Variants in KDM4C observed in about 807,000 individuals in gnomAD.
KDM4C encodes lysine demethylase 4C.
Under a neutral mutation model 129.3 loss-of-function variants are expected in KDM4C, and 81 were observed. That is an observed-to-expected ratio of 0.63 (90% CI 0.52 to 0.75). The LOEUF (loss-of-function observed/expected upper bound fraction) is 0.75. Among genes scored for constraint, KDM4C ranks in the 30% least tolerant of loss-of-function variants. The pLI, the probability that KDM4C is intolerant of heterozygous loss-of-function variation, is 0.00. For missense variants in KDM4C, 1,457 were observed against 1,304.0 expected (o/e 1.12, Z -1.81); for synonymous variants, 573 against 456.1 (o/e 1.26, Z -3.26).
chr9:6,919,688 G>T (rs1379422450), intron 8 of KDM4C, among the ~76,000 whole-genome samples: 1 of 151,664 alleles, frequency 6.6e-6, no homozygotes, highest in Non-Finnish European at 1.5e-5. Context: ...TGATTCTCTT[G>T]CTTCAGCCTC....
At chr9:7,087,602 C>A (rs1835282001) in intron 17 of KDM4C, among the ~76,000 whole-genome samples, 1 of 151,968 alleles carries the variant, frequency 6.6e-6, no homozygotes, top group South Asian at 2.1e-4. Context: ...ACAGTGATAA[C>A]TAAAAGAGTT....
At chr9:6,777,839 A>G (rs750582480) in intron 1 of KDM4C, among the ~76,000 whole-genome samples, 17 of 150,728 alleles carry the variant, frequency 1.1e-4, no homozygotes, top group Non-Finnish European at 1.9e-4. Flanking sequence ...AAAAACTTGA[A>G]ATTCTTCAGT....
chr9:6,857,466 C>G (rs1389079103), intron 5 of KDM4C, among the ~76,000 whole-genome samples: 2 of 152,174 alleles, frequency 1.3e-5, no homozygotes, highest in Non-Finnish European at 2.9e-5. Flanking sequence ...ACATACCACT[C>G]TAGCACACAC....
At chr9:6,864,772 G>C (rs1841616326) in intron 5 of KDM4C, among the ~76,000 whole-genome samples, 1 of 150,920 alleles carries the variant, frequency 6.6e-6, no homozygotes, top group African/African-American at 2.4e-5. Flanking sequence ...TCTTAGATTT[G>C]GTCTTTAGTG....
chr9:6,741,488 T>G (rs887521267), intron 1 of KDM4C, among the ~76,000 whole-genome samples: 31 of 152,322 alleles, frequency 2.0e-4, no homozygotes, highest in African/African-American at 7.2e-4. Context: ...GCCTTTTTAT[T>G]GTTCTTCATT....
At chr9:7,041,938 C>A (rs1349303659) in intron 15 of KDM4C, among the ~76,000 whole-genome samples, 1 of 152,014 alleles carries the variant, frequency 6.6e-6, no homozygotes, top group Non-Finnish European at 1.5e-5. Flanking sequence ...GTTTTCTTTT[C>A]TCTCCACTTC....
chr9:6,748,762 G>A lies in KDM4C; in HGVS notation c.49+27765G>A, dbSNP rs773841432. 50 of 1,468,586 alleles carry A rather than the reference G, an allele frequency of 3.4e-5. No homozygotes were observed. In the Admixed American group the frequency reaches 8.0e-4, roughly 24 times the overall value. The allele number at this position is 1,468,586 out of a possible 1,614,324, so 91.0% of individuals were successfully genotyped here. A position where few individuals can be genotyped will look rare whatever the true frequency, so the allele number is the denominator to read the frequency against. On this transcript the variant is annotated intron_variant, in intron 1 of 17. Transcript: ENST00000536108. ...TCTCCTTTTAGCATGATCCGACCCA[G>A]TTGTTTTCTTGACTTTGTTTTCGAA...
chr9:6,908,904 G>C (rs543205054), intron 8 of KDM4C, among the ~76,000 whole-genome samples: 1 of 152,298 alleles, frequency 6.6e-6, no homozygotes, highest in South Asian at 2.1e-4. Flanking sequence ...TCCTGGAGTA[G>C]TGACTGACAC....
intron 8 of KDM4C, among the ~76,000 whole-genome samples, chr9:6,968,644 A>C (rs1831418559): frequency 6.6e-6 from 1 of 152,308 alleles, no homozygotes; most frequent in South Asian, 2.1e-4. Flanking sequence ...AATAATTCCA[A>C]AGTGAGGGTT....
At chr9:6,823,184 C>T (rs1046098909) in intron 4 of KDM4C, among the ~76,000 whole-genome samples, 15 of 152,304 alleles carry the variant, frequency 9.8e-5, no homozygotes, top group South Asian at 2.1e-4. Context: ...CTTTGCTGAG[C>T]GGTGACACAT....
chr9:7,081,527 C>T (rs1277347971), intron 17 of KDM4C, among the ~76,000 whole-genome samples: 1 of 152,204 alleles, frequency 6.6e-6, no homozygotes, highest in Non-Finnish European at 1.5e-5. Flanking sequence ...CATCTGATCT[C>T]ACAGGTAGTG....
rs2065665379 is a variant in KDM4C at position 7,111,364 on chromosome 9, T to G, written c.2610+7494T>G. On this transcript the variant is annotated intron_variant, in intron 18 of 21. Transcript: ENST00000381309. ...TTTAAGATTTGGGAAACTAAATCAG[T>G]GAGTATAATGCAGACACTCTGAAAT... Among the ~76,000 whole-genome samples the G allele has an allele frequency of 2.6e-5, 4 of 152,206 alleles. No homozygotes were observed. The South Asian group carries it at 8.3e-4, about 31-fold the overall frequency.
intron 8 of KDM4C, among the ~76,000 whole-genome samples, chr9:6,908,115 A>G (rs1427504667): frequency 1.3e-5 from 2 of 152,202 alleles, no homozygotes; most frequent in Non-Finnish European, 2.9e-5. Flanking sequence ...AGAGAAGATG[A>G]TAAAAATGGA....
chr9:6,758,018 C>G lies in KDM4C; in HGVS notation c.-203C>G, dbSNP rs563566244. On this transcript the variant is annotated 5_prime_UTR_variant, in exon 1 of 22. Coordinates refer to ENST00000381309, the MANE Select transcript of KDM4C (RefSeq NM_015061.6). The surrounding 1 kb of genome is among the most constrained non-coding windows in gnomAD (Gnocchi z 4.6). The stretch of plus-strand genomic sequence containing the variant: ...CTTCGCCGCTGCCTCCCACCCACCC[C>G]CTCGACGGGAGGGTGAGGCGCGGCG... The G allele has an allele frequency of 2.0e-5, 20 of 985,464 alleles. No individual in the cohort carries two copies. In the African/African-American group the frequency reaches 3.5e-4, roughly 17 times the overall value. The allele number at this position is 985,464 out of a possible 1,614,324, so 61.0% of individuals were successfully genotyped here.
chr9:7,067,978 A>G (rs1014703766), intron 17 of KDM4C, among the ~76,000 whole-genome samples: 9 of 152,084 alleles, frequency 5.9e-5, no homozygotes, highest in African/African-American at 1.9e-4. Flanking sequence ...TTGTATTTTT[A>G]GTAGAGACGG....
At chr9:7,045,648 G>A (rs1301591795) in intron 15 of KDM4C, among the ~76,000 whole-genome samples, 5 of 151,950 alleles carry the variant, frequency 3.3e-5, no homozygotes, top group Admixed American at 3.3e-4. Context: ...CTTGAGCTGG[G>A]TTTATAATGG....
Position 6,835,148 on chromosome 9 carries a change from G to T in KDM4C, c.436-14359G>T, listed in dbSNP as rs547547184. On this transcript the variant is annotated intron_variant, in intron 4 of 21. Transcript: ENST00000381309. ...CAGGAGATGGCCATGGCGGCTTCCA[G>T]CTCCTCCCTGGAGAAGAGCTATGAG... 222 of 975,614 alleles carry T rather than the reference G, an allele frequency of 2.3e-4. 5 individuals carry two copies. The South Asian group carries it at 2.8e-3, about 12-fold the overall frequency. The allele number at this position is 975,614 out of a possible 1,614,324, so 60.4% of individuals were successfully genotyped here. A position where few individuals can be genotyped will look rare whatever the true frequency, so the allele number is the denominator to read the frequency against.
At chr9:6,946,590 G>A (rs1341441301) in intron 8 of KDM4C, among the ~76,000 whole-genome samples, 1 of 152,090 alleles carries the variant, frequency 6.6e-6, no homozygotes, top group Non-Finnish European at 1.5e-5. Context: ...TGATATGTGA[G>A]TTGTAATATT....
intron 17 of KDM4C, among the ~76,000 whole-genome samples, chr9:7,094,756 C>G (rs1314934477): frequency 6.6e-6 from 1 of 152,194 alleles, no homozygotes; most frequent in Non-Finnish European, 1.5e-5. Flanking sequence ...ACTGTTTCCT[C>G]AGTTTTATTT....
Sources: allele counts gnomAD v4.1 joint callset (sites outside exome capture counted in the v4.1 genomes callset), GRCh38; gene constraint gnomAD v4.1.1; non-coding constraint Gnocchi (gnomAD v3.1); transcripts MANE v1.5; gene names NCBI Gene and HGNC (gene_info 2026-07-23, HGNC 2026-07-21).